CAB39L: variants seen among roughly 807,000 people sequenced by gnomAD.
CAB39L encodes calcium-binding protein 39-like.
In CAB39L, 23 loss-of-function variants were observed where a neutral mutation model predicts 39.1. That is an observed-to-expected ratio of 0.59 (90% CI 0.42 to 0.83). The LOEUF is 0.83. Among genes scored for constraint, CAB39L ranks in the 40% least tolerant of loss-of-function variants. The pLI is 0.00. For missense variants in CAB39L, 366 were observed against 391.9 expected (o/e 0.93, Z 0.56); for synonymous variants, 126 against 137.2 (o/e 0.92, Z 0.57).
In CAB39L at chr13:49,441,221, G is replaced by GTGTATATATATATATATATATA. The variant is rs1024957572; in HGVS notation, c.-246+2764_-246+2765insTATATATATATATATATATACA. ...GATGATTTTCTTATAATGATTTAGTGTATATATATATATATATATATATTC... is the reference window on the plus strand; with the variant it reads ...GATGATTTTCTTATAATGATTTAGTGTGTATATATATATATATATATATATATATATATATATATATATATTC... On this transcript the variant is annotated intron_variant, in intron 1 of 10. Coordinates refer to ENST00000409308, the MANE Select transcript of CAB39L (RefSeq NM_001079670.3). 4.5e-3 allele frequency among the ~76,000 whole-genome samples: 543 copies of GTGTATATATATATATATATATA among 121,130 alleles called. 7 individuals are homozygous for GTGTATATATATATATATATATA. Among genetic ancestry groups the GTGTATATATATATATATATATA allele is most frequent in the African/African-American group, 0.019 (510 of 26,982 alleles). The allele number at this position is 121,130 out of a possible 152,430, so 79.5% of individuals were successfully genotyped here. A position where few individuals can be genotyped will look rare whatever the true frequency, so the allele number is the denominator to read the frequency against.
intron 3 of CAB39L, among the ~76,000 whole-genome samples, chr13:49,406,713 T>G (rs1319759119): frequency 6.6e-6 from 1 of 152,232 alleles, no homozygotes; most frequent in African/African-American, 2.4e-5. Flanking sequence ...CTTTTAATTC[T>G]AATCTATCAT....
intron 1 of CAB39L, among the ~76,000 whole-genome samples, chr13:49,440,809 C>T (rs1957504140): frequency 7.0e-6 from 1 of 143,178 alleles, no homozygotes; most frequent in Non-Finnish European, 1.5e-5. Flanking sequence ...TCTGCTCCAA[C>T]ATTATTGGTA....
At chr13:49,418,562 C>T (rs1957121089) in intron 3 of CAB39L, among the ~76,000 whole-genome samples, 1 of 152,160 alleles carries the variant, frequency 6.6e-6, no homozygotes, top group African/African-American at 2.4e-5. Flanking sequence ...ATAAAGCAAA[C>T]ACATTTTGTT....
chr13:49,329,550 T>C (rs1301758629), intron 10 of CAB39L, among the ~76,000 whole-genome samples: 9 of 6,474 alleles, frequency 1.4e-3, no homozygotes, highest in African/African-American at 8.7e-3. Flanking sequence ...AAAAAATATA[T>C]ATATATATAT....
chr13:49,398,951 T>C (rs1392130834), intron 3 of CAB39L, among the ~76,000 whole-genome samples: 1 of 152,132 alleles, frequency 6.6e-6, no homozygotes, highest in Admixed American at 6.6e-5. Context: ...AGCAACCAAG[T>C]TATACCATGG....
At chr13:49,410,033 T>C (rs547146376) in intron 3 of CAB39L, among the ~76,000 whole-genome samples, 1 of 152,210 alleles carries the variant, frequency 6.6e-6, no homozygotes, top group Non-Finnish European at 1.5e-5. Flanking sequence ...ATTCCACTTA[T>C]ATCTAAACAA....
chr13:49,438,677 T>C (rs1957455857), intron 1 of CAB39L, among the ~76,000 whole-genome samples: 1 of 152,216 alleles, frequency 6.6e-6, no homozygotes, highest in Non-Finnish European at 1.5e-5. Flanking sequence ...GCAAGTGACC[T>C]GCTCTTTTTA....
At chr13:49,339,630 G>C (rs1244339259) in intron 9 of CAB39L, 47 bp downstream of exon 9, 3 of 1,479,470 alleles carry the variant, frequency 2.0e-6, no homozygotes, top group South Asian at 1.5e-5. Flanking sequence ...ATTTGCTAAT[G>C]AGATATAAAC....
intron 6 of CAB39L, among the ~76,000 whole-genome samples, chr13:49,356,804 C>G (rs1955498175): frequency 6.6e-6 from 1 of 152,094 alleles, no homozygotes; most frequent in Non-Finnish European, 1.5e-5. Flanking sequence ...GTAGCTCATG[C>G]CTGTAATTCC....
chr13:49,322,333 C>T (rs1954372007), intron 10 of CAB39L, among the ~76,000 whole-genome samples: 5 of 152,204 alleles, frequency 3.3e-5, no homozygotes, highest in Admixed American at 3.3e-4. Flanking sequence ...AATGCCACAT[C>T]CTTTTTGTGG....
intron 5 of CAB39L, among the ~76,000 whole-genome samples, chr13:49,375,562 T>C (rs1374271716): frequency 5.3e-5 from 8 of 151,510 alleles, no homozygotes; most frequent in Non-Finnish European, 7.4e-5. Flanking sequence ...AACCAAACAC[T>C]GCATGTTCTC....
intron 8 of CAB39L, among the ~76,000 whole-genome samples, chr13:49,342,788 T>C (rs1566076739): frequency 6.6e-6 from 1 of 152,160 alleles, no homozygotes; most frequent in Non-Finnish European, 1.5e-5. Flanking sequence ...GCTGTAAGTG[T>C]AAAATACACA....
chr13:49,372,805 G>T (rs1289085987), intron 5 of CAB39L, among the ~76,000 whole-genome samples: 4 of 152,090 alleles, frequency 2.6e-5, no homozygotes, highest in African/African-American at 9.7e-5. Context: ...CTCCAGAGTA[G>T]CTGGGACTAC....
intron 4 of CAB39L, among the ~76,000 whole-genome samples, chr13:49,380,065 T>C (rs952918438): frequency 2.0e-5 from 3 of 152,190 alleles, no homozygotes; most frequent in Non-Finnish European, 4.4e-5. Context: ...GGTCTCGATC[T>C]CCTGAACTTG....
chr13:49,366,650 C>A (rs1483334277), intron 5 of CAB39L, among the ~76,000 whole-genome samples: 3 of 109,508 alleles, frequency 2.7e-5, no homozygotes, highest in African/African-American at 7.0e-5. Context: ...AAAAAAAAAA[C>A]CCATGCTCTC....
intron 10 of CAB39L, among the ~76,000 whole-genome samples, chr13:49,326,973 G>A (rs1360488947): frequency 1.3e-5 from 2 of 152,112 alleles, no homozygotes; most frequent in Non-Finnish European, 2.9e-5. Flanking sequence ...TCTTGAGAGG[G>A]CCTATCATTT....
At chr13:49,368,353 G>A (rs1955826878) in intron 5 of CAB39L, among the ~76,000 whole-genome samples, 1 of 152,222 alleles carries the variant, frequency 6.6e-6, no homozygotes, top group African/African-American at 2.4e-5. Flanking sequence ...GATTAGAATA[G>A]AAAGGATTAC....
In CAB39L at chr13:49,385,158, C is replaced by A. The variant is rs117460554; in HGVS notation, c.-31-2217G>T. Among the ~76,000 whole-genome samples the A allele has an allele frequency of 6.1e-4, 93 of 152,324 alleles. 1 individual carries two copies. The East Asian group carries it at 0.016, about 26-fold the overall frequency. On this transcript the variant is annotated intron_variant, in intron 3 of 10. Coordinates refer to ENST00000409308, the MANE Select transcript of CAB39L (RefSeq NM_001079670.3). ...CCCTCACCAATGATCTCAGCTAGAT[C>A]TTCTGGATAACTTGCTGCAGCTTCT...
At chr13:49,323,790 A>G (rs1221188571) in intron 10 of CAB39L, among the ~76,000 whole-genome samples, 2 of 152,210 alleles carry the variant, frequency 1.3e-5, no homozygotes, top group African/African-American at 4.8e-5. Context: ...GAAAACTGAA[A>G]TGAGTCCCTC....
Sources: allele counts gnomAD v4.1 joint callset (sites outside exome capture counted in the v4.1 genomes callset), GRCh38; gene constraint gnomAD v4.1.1; transcripts MANE v1.5; gene names NCBI Gene and HGNC (gene_info 2026-07-23, HGNC 2026-07-21).